NCOA2: variants seen among roughly 807,000 people sequenced by gnomAD.
The protein encoded by NCOA2 is nuclear receptor coactivator 2.
In NCOA2, 21 loss-of-function variants were observed where a neutral mutation model predicts 145.1. The ratio of observed to expected loss-of-function variants is 0.14; its 90% confidence interval spans 0.10 to 0.21. The LOEUF is 0.21. NCOA2 is among the 10% of genes least tolerant of loss of function. The pLI is 1.00. For missense variants in NCOA2, 1,472 were observed against 1,837.6 expected (o/e 0.80, Z 3.64); for synonymous variants, 619 against 637.5 (o/e 0.97, Z 0.44).
chr8:70,446,479 C>T, the NCOA2 span, among the ~76,000 whole-genome samples: 1,173 of 152,318 alleles, frequency 7.7e-3, 17 homozygotes, highest in African/African-American at 0.026. Flanking sequence ...GCTCCTTTGC[C>T]AATGACTGTG....
chr8:70,377,974 T>C (rs1255555545), intron 1 of NCOA2, among the ~76,000 whole-genome samples: 2 of 152,166 alleles, frequency 1.3e-5, no homozygotes, highest in African/African-American at 4.8e-5. Flanking sequence ...GGCCTAATTA[T>C]CAGTGCCAAA....
intron 2 of NCOA2, among the ~76,000 whole-genome samples, chr8:70,265,466 A>T (rs1452438320): frequency 6.6e-6 from 1 of 152,264 alleles, no homozygotes; most frequent in African/African-American, 2.4e-5. Context: ...CAGGTAAAAC[A>T]TAACAAAAAA....
At chr8:70,149,116 A>G (rs1811453103) in intron 11 of NCOA2, among the ~76,000 whole-genome samples, 1 of 151,920 alleles carries the variant, frequency 6.6e-6, no homozygotes, top group African/African-American at 2.4e-5. Flanking sequence ...TTGAATGACA[A>G]TGGCTTTCCC....
At chr8:70,116,614 C>T (rs546832649) in intron 22 of NCOA2, among the ~76,000 whole-genome samples, 5 of 152,162 alleles carry the variant, frequency 3.3e-5, no homozygotes, top group African/African-American at 1.2e-4. Context: ...TACGGAAACA[C>T]GGGATGATGA....
Position 70,316,858 on chromosome 8 carries a change from C to T in NCOA2, c.-76-20058G>A, listed in dbSNP as rs181916305. Among the ~76,000 whole-genome samples the T allele has an allele frequency of 9.2e-4, 140 of 152,248 alleles. 1 individual carries two copies. The highest frequency in any genetic ancestry group is 3.1e-3 in the African/African-American group (127 of 41,548). ...TAGTTCTGGTGTCCAACAGTGGGAC[C>T]TGAAAAACACTGCTGATGACGCCCG... On this transcript the variant is annotated intron_variant, in intron 1 of 22. Coordinates refer to ENST00000452400, the MANE Select transcript of NCOA2 (RefSeq NM_006540.4).
intron 21 of NCOA2, 101 bp downstream of exon 21, chr8:70,123,783 T>G: frequency 1.1e-6 from 1 of 938,594 alleles, no homozygotes; most frequent in East Asian, 2.8e-5. Context: ...AATGTGGGAG[T>G]TGGTGGCTAA....
intron 1 of NCOA2, among the ~76,000 whole-genome samples, chr8:70,324,368 G>A (rs1339645834): frequency 1.3e-5 from 2 of 151,970 alleles, no homozygotes; most frequent in Admixed American, 6.6e-5. Flanking sequence ...ACAAGGTCTC[G>A]CTCTGTCACT....
Position 70,214,075 on chromosome 8 carries a change from G to A in NCOA2, c.87C>T (p.Ser29=), listed in dbSNP as rs1488656252. ...TACGTTTTTCAGTGTTCCTTTTGGGGCTTAAAAGAAGAAACACATTTTTAT... is the reference window on the plus strand; with the variant it reads ...TACGTTTTTCAGTGTTCCTTTTGGGACTTAAAAGAAGAAACACATTTTTAT... The part of the protein sequence containing the change: ...RKECPDQLGP[S]PKRNTEKRNR... The change falls in exon 4 of 23, where the codon AGC becomes AGT. Residue 29 remains serine (S), a splice_region_variant and synonymous_variant. Coordinates refer to ENST00000452400, the MANE Select transcript of NCOA2 (RefSeq NM_006540.4). 1 of 1,591,822 alleles carries A rather than the reference G, an allele frequency of 6.3e-7. No individual in the cohort carries two copies. Among genetic ancestry groups the A allele is most frequent in the African/African-American group, 1.4e-5 (1 of 73,094 alleles).
chr8:70,186,109 C>T (rs920533100), intron 4 of NCOA2, among the ~76,000 whole-genome samples: 1 of 152,016 alleles, frequency 6.6e-6, no homozygotes, highest in East Asian at 1.9e-4. Context: ...CAGAGAAACC[C>T]ATCTTGGGGA....
chr8:70,191,491 A>C (rs1563595071), intron 4 of NCOA2, among the ~76,000 whole-genome samples: 1 of 152,222 alleles, frequency 6.6e-6, no homozygotes, highest in Non-Finnish European at 1.5e-5. Flanking sequence ...CCTCTGGCAT[A>C]GGGAGCTCCT....
chr8:70,252,988 T>A (rs1357364202), intron 2 of NCOA2, among the ~76,000 whole-genome samples: 1 of 152,260 alleles, frequency 6.6e-6, no homozygotes, highest in Non-Finnish European at 1.5e-5. Context: ...CTGTTCTGAC[T>A]CAACTTCAAG....
chr8:70,120,425 A>G (rs1807667836), intron 22 of NCOA2, among the ~76,000 whole-genome samples: 1 of 152,198 alleles, frequency 6.6e-6, no homozygotes, highest in South Asian at 2.1e-4. Context: ...TCTCTTTAGA[A>G]CAAGTGTTTA....
intron 2 of NCOA2, among the ~76,000 whole-genome samples, chr8:70,242,574 T>C (rs1346290857): frequency 6.6e-6 from 1 of 152,152 alleles, no homozygotes; most frequent in African/African-American, 2.4e-5. Flanking sequence ...CATTTCTGAA[T>C]GATAATTTTT....
At chr8:70,383,724 C>T (rs373349240) in intron 1 of NCOA2, among the ~76,000 whole-genome samples, 74 of 152,286 alleles carry the variant, frequency 4.9e-4, no homozygotes, top group African/African-American at 1.8e-3. Flanking sequence ...AAGCTGGTCT[C>T]AAACTCCTGA....
At chr8:70,323,458 A>G (rs563993081) in intron 1 of NCOA2, among the ~76,000 whole-genome samples, 30 of 152,368 alleles carry the variant, frequency 2.0e-4, no homozygotes, top group African/African-American at 7.0e-4. Context: ...AGTAATGCTG[A>G]CAGTGAAAAG....
chr8:70,131,942 C>T lies in NCOA2; in HGVS notation c.3219G>A (p.Pro1073=), dbSNP rs200431788. ...LLCPHPAAES[P]SDEGALLDQL... ...GGTCCAGGAGAGCTCCCTCATCACT[C>T]GGAGACTCAGCTGCAGGATGTGGAC... Residue 1073 remains proline (P), a synonymous_variant, in exon 16 of 23, where the codon CCG becomes CCA. Coordinates refer to ENST00000452400, the MANE Select transcript of NCOA2 (RefSeq NM_006540.4). 45 of 1,611,246 alleles carry T rather than the reference C, an allele frequency of 2.8e-5. 2 individuals are homozygous for T. The highest frequency in any genetic ancestry group is 2.4e-4 in the South Asian group (22 of 90,196).
At chr8:70,309,206 T>A (rs1261525233) in intron 1 of NCOA2, among the ~76,000 whole-genome samples, 1 of 152,082 alleles carries the variant, frequency 6.6e-6, no homozygotes, top group Non-Finnish European at 1.5e-5. Flanking sequence ...TCTTCCCAAC[T>A]AAGACTCCAG....
the NCOA2 span, among the ~76,000 whole-genome samples, chr8:70,453,674 T>C: frequency 1.2e-4 from 19 of 152,352 alleles, no homozygotes; most frequent in Non-Finnish European, 1.9e-4. Context: ...CTATTCTGCC[T>C]GAAATTGTCA....
chr8:70,357,092 G>A (rs183339896), intron 1 of NCOA2, among the ~76,000 whole-genome samples: 2 of 152,036 alleles, frequency 1.3e-5, no homozygotes, highest in Admixed American at 6.5e-5. Flanking sequence ...AATGAGTTCC[G>A]CCTGCTTCAA....
Sources: allele counts gnomAD v4.1 joint callset (sites outside exome capture counted in the v4.1 genomes callset), GRCh38; gene constraint gnomAD v4.1.1; transcripts MANE v1.5; gene names NCBI Gene and HGNC (gene_info 2026-07-23, HGNC 2026-07-21).